KCNQ5: variants seen among roughly 807,000 people sequenced by gnomAD.
KCNQ5 encodes the protein potassium voltage-gated channel subfamily KQT member 5.
Under a neutral mutation model 98.2 loss-of-function variants are expected in KCNQ5, and 30 were observed. The ratio of observed to expected loss-of-function variants is 0.31; its 90% CI spans 0.23 to 0.41. KCNQ5 has a LOEUF of 0.41. KCNQ5 is among the 10% of genes least tolerant of loss of function. KCNQ5 has a pLI of 1.00. For missense variants in KCNQ5, 835 were observed against 1,182.5 expected (o/e 0.71, Z 4.31); for synonymous variants, 458 against 449.4 (o/e 1.02, Z -0.24).
At chr6:73,184,721 G>T (rs1285917458) in intron 11 of KCNQ5, among the ~76,000 whole-genome samples, 1 of 152,220 alleles carries the variant, frequency 6.6e-6, no homozygotes, top group Non-Finnish European at 1.5e-5. Context: ...GGTTAGGAAA[G>T]ATTTCCTAGA....
chr6:72,977,618 G>A lies in KCNQ5; in HGVS notation c.399-26290G>A, dbSNP rs139516580. Among the ~76,000 whole-genome samples, 17 of 152,224 alleles carry A rather than the reference G, an allele frequency of 1.1e-4. No homozygotes were observed. The East Asian group carries it at 3.3e-3, about 29-fold the overall frequency. ...CATTGCTTTGGCTTGATGACTTTAG[G>A]GGTTTGGGGGTTTCACTTACAAATT... On this transcript the variant is annotated intron_variant, in intron 1 of 13. Coordinates refer to ENST00000370398, the MANE Select transcript of KCNQ5 (RefSeq NM_019842.4).
chr6:72,736,649 G>A (rs559027883), intron 1 of KCNQ5, among the ~76,000 whole-genome samples: 46 of 148,414 alleles, frequency 3.1e-4, no homozygotes, highest in Non-Finnish European at 4.6e-4. Flanking sequence ...ACAGGCGCCC[G>A]CCACCACGCC....
intron 1 of KCNQ5, among the ~76,000 whole-genome samples, chr6:72,917,454 T>TTTTTATTTTATTTTATTTTA (rs199931952): frequency 8.1e-5 from 12 of 147,762 alleles, no homozygotes; most frequent in African/African-American, 3.0e-4. Context: ...TTTATTTTTA[T>TTTTTATTTTATTTTATTTTA]TTTTATTTTA....
chr6:72,646,925 A>G (rs997782922), intron 1 of KCNQ5, among the ~76,000 whole-genome samples: 1 of 152,194 alleles, frequency 6.6e-6, no homozygotes. Context: ...TCACATAACT[A>G]TCCTATCCAT....
chr6:73,036,498 C>A (rs935201890), intron 2 of KCNQ5, among the ~76,000 whole-genome samples: 13 of 152,012 alleles, frequency 8.6e-5, no homozygotes, highest in African/African-American at 3.1e-4. Context: ...CTTGCACACC[C>A]CTTCCCTTCT....
chr6:72,906,018 G>C (rs370318695), intron 1 of KCNQ5, among the ~76,000 whole-genome samples: 22 of 151,972 alleles, frequency 1.4e-4, no homozygotes, highest in Non-Finnish European at 2.2e-4. Context: ...ACCATCAGGT[G>C]GGGGCAGGGC....
At chr6:73,157,590 GGGC>G in intron 10 of KCNQ5, 1 of 768,732 alleles carries the variant, frequency 1.3e-6, no homozygotes, top group Admixed American at 1.8e-5. Context: ...CTGGCATGGA[GGGC>G]GGCGGCAACG....
At chr6:72,708,378 T>G (rs1367758682) in intron 1 of KCNQ5, among the ~76,000 whole-genome samples, 1 of 152,132 alleles carries the variant, frequency 6.6e-6, no homozygotes, top group East Asian at 1.9e-4. Context: ...GAAAAGAGGG[T>G]GGGGAAAATT....
chr6:73,010,084 A>G (rs1457135764), intron 2 of KCNQ5, among the ~76,000 whole-genome samples: 2 of 152,170 alleles, frequency 1.3e-5, no homozygotes, highest in African/African-American at 4.8e-5. Context: ...ATTATTTCTT[A>G]TGAACATTAG....
At chr6:72,886,261 A>C (rs1022676121) in intron 1 of KCNQ5, among the ~76,000 whole-genome samples, 1 of 152,218 alleles carries the variant, frequency 6.6e-6, no homozygotes, top group African/African-American at 2.4e-5. Context: ...AGAGATACAC[A>C]GGCATCATAC....
rs148138303 is a variant in KCNQ5 at position 72,917,702 on chromosome 6, G to A, written c.399-86206G>A. Among the ~76,000 whole-genome samples the A allele has an allele frequency of 4.6e-3, 697 of 151,814 alleles. 4 individuals carry two copies. Among genetic ancestry groups the A allele is most frequent in the African/African-American group, 0.016 (673 of 41,412 alleles). Reference sequence around the variant, plus strand: ...TGGCCAGGATGGTCTCGATTTCTTGGCCTCGTGATCCGCCTGCCTCAGCCT... The same window carrying A: ...TGGCCAGGATGGTCTCGATTTCTTGACCTCGTGATCCGCCTGCCTCAGCCT... On this transcript the variant is annotated intron_variant, in intron 1 of 13. Coordinates refer to ENST00000370398, the MANE Select transcript of KCNQ5 (RefSeq NM_019842.4).
At chr6:72,796,041 A>G (rs1432269889) in intron 1 of KCNQ5, among the ~76,000 whole-genome samples, 1 of 152,174 alleles carries the variant, frequency 6.6e-6, no homozygotes, top group Non-Finnish European at 1.5e-5. Flanking sequence ...CCCCAAATGT[A>G]CAGTCACACA....
chr6:72,904,468 G>A (rs1376813704), intron 1 of KCNQ5, among the ~76,000 whole-genome samples: 1 of 152,122 alleles, frequency 6.6e-6, no homozygotes, highest in Non-Finnish European at 1.5e-5. Flanking sequence ...GGTCCTGTGA[G>A]ATTTATGCTT....
intron 1 of KCNQ5, among the ~76,000 whole-genome samples, chr6:72,653,614 A>T (rs961228147): frequency 6.6e-6 from 1 of 152,102 alleles, no homozygotes; most frequent in African/African-American, 2.4e-5. Context: ...CAAATATAGC[A>T]TGTTATTTTG....
At chr6:72,626,158 C>A (rs1476671559) in intron 1 of KCNQ5, among the ~76,000 whole-genome samples, 1 of 152,144 alleles carries the variant, frequency 6.6e-6, no homozygotes, top group Non-Finnish European at 1.5e-5. Flanking sequence ...AGCCTGTGAA[C>A]AAGTGTGAAA....
At chr6:72,912,981 A>C (rs1228628201) in intron 1 of KCNQ5, among the ~76,000 whole-genome samples, 1 of 152,140 alleles carries the variant, frequency 6.6e-6, no homozygotes, top group Non-Finnish European at 1.5e-5. Flanking sequence ...GGGTTATGAA[A>C]TAATCTGTAC....
intron 1 of KCNQ5, among the ~76,000 whole-genome samples, chr6:72,744,182 TGC>T (rs1333565076): frequency 6.6e-6 from 1 of 152,166 alleles, no homozygotes; most frequent in African/African-American, 2.4e-5. Context: ...GGTGGGGAAG[TGC>T]ATTTCTATCG....
chr6:72,916,927 C>T (rs9342986), intron 1 of KCNQ5, among the ~76,000 whole-genome samples: 39,708 of 152,096 alleles, frequency 0.26, 5,403 homozygotes, highest in Non-Finnish European at 0.3. Context: ...TGGGTAGACC[C>T]TGTACTGAAA....
chr6:72,937,650 A>G (rs1322793120), intron 1 of KCNQ5, among the ~76,000 whole-genome samples: 1 of 152,198 alleles, frequency 6.6e-6, no homozygotes, highest in Non-Finnish European at 1.5e-5. Flanking sequence ...AATCAGCCAC[A>G]CAAAGAAGTC....
Sources: allele counts gnomAD v4.1 joint callset (sites outside exome capture counted in the v4.1 genomes callset), GRCh38; gene constraint gnomAD v4.1.1; transcripts MANE v1.5; gene names NCBI Gene and HGNC (gene_info 2026-07-23, HGNC 2026-07-21).